Variants in VIPR1 observed in about 807,000 individuals in gnomAD.
VIPR1 encodes vasoactive intestinal peptide receptor 1.
Under a neutral mutation model 58.8 loss-of-function variants are expected in VIPR1, and 59 were observed. The ratio of observed to expected loss-of-function variants is 1.00; its 90% confidence interval spans 0.81 to 1.25. The LOEUF (loss-of-function observed/expected upper bound fraction) is 1.25, where lower values mean the gene tolerates loss of function less well. Ranked by LOEUF, VIPR1 falls within the 50% of genes most tolerant of loss-of-function variation. VIPR1 has a pLI of 0.00. For missense variants in VIPR1, 626 were observed against 602.7 expected (o/e 1.04, Z -0.40); for synonymous variants, 251 against 242.1 (o/e 1.04, Z -0.34).
At chr3:42,514,530 C>T (rs1006414175) in intron 2 of VIPR1, among the ~76,000 whole-genome samples, 1 of 142,018 alleles carries the variant, frequency 7.0e-6, no homozygotes, top group Non-Finnish European at 1.5e-5. Context: ...TCCAGAGGAC[C>T]GATAGTGACA....
chr3:42,529,607 G>A (rs1031898742), intron 6 of VIPR1: 2 of 152,250 alleles, frequency 1.3e-5, no homozygotes, highest in African/African-American at 4.8e-5. Context: ...GGCAGGGGGA[G>A]GCTTCTCTCT....
chr3:42,493,338 A>G (rs1333144699), intron 1 of VIPR1, among the ~76,000 whole-genome samples: 2 of 152,144 alleles, frequency 1.3e-5, no homozygotes, highest in Admixed American at 6.5e-5. Flanking sequence ...GGACCCTAAA[A>G]TAGCCTTGTC....
intron 1 of VIPR1, among the ~76,000 whole-genome samples, chr3:42,493,552 G>A (rs1699705075): frequency 1.3e-5 from 2 of 152,162 alleles, no homozygotes; most frequent in South Asian, 4.1e-4. Flanking sequence ...ATTAGAGCTG[G>A]GCTTCCCCAA....
Position 42,527,461 on chromosome 3 carries a change from C to G in VIPR1, c.468C>G (p.Thr156=). Residue 156 remains threonine (T), a synonymous_variant, in exon 5 of 13, where the codon ACC becomes ACG. Coordinates refer to ENST00000325123, the MANE Select transcript of VIPR1 (RefSeq NM_004624.4). ...TTGGCTACGGCCTGTCCCTCGCCAC[C>G]CTTCTGGTCGCCACAGCTATCCTGA... ...YTIGYGLSLA[T]LLVATAILSL... The G allele has an allele frequency of 1.9e-6, 3 of 1,614,030 alleles. No individual in the cohort carries two copies. The South Asian group carries it at 3.3e-5, about 18-fold the overall frequency.
intron 2 of VIPR1, among the ~76,000 whole-genome samples, chr3:42,518,564 C>A (rs1700747295): frequency 6.6e-6 from 1 of 152,074 alleles, no homozygotes; most frequent in Non-Finnish European, 1.5e-5. Flanking sequence ...CATGGTGAAA[C>A]CCTGTCTCTA....
chr3:42,504,641 G>A (rs1700023070), intron 1 of VIPR1, among the ~76,000 whole-genome samples: 2 of 151,620 alleles, frequency 1.3e-5, no homozygotes, highest in African/African-American at 4.8e-5. Flanking sequence ...CTGGGTGAGG[G>A]CAGGCTGGAG....
chr3:42,506,276 A>G (rs1700117942), intron 1 of VIPR1, among the ~76,000 whole-genome samples: 1 of 152,200 alleles, frequency 6.6e-6, no homozygotes, highest in Non-Finnish European at 1.5e-5. Context: ...CCATGAGACC[A>G]GGGTAGGGGC....
At chr3:42,511,233 G>A (rs559243930) in intron 1 of VIPR1, among the ~76,000 whole-genome samples, 16 of 152,266 alleles carry the variant, frequency 1.1e-4, no homozygotes, top group African/African-American at 3.1e-4. Context: ...GTTTTTATCC[G>A]TGTGTTCCAC....
Position 42,525,882 on chromosome 3 carries a change from C to T in VIPR1, c.293-5C>T, listed in dbSNP as rs555570968. On this transcript the variant is annotated splice_polypyrimidine_tract_variant and splice_region_variant and intron_variant, in intron 3 of 12. Coordinates refer to ENST00000325123, the MANE Select transcript of VIPR1 (RefSeq NM_004624.4). ...CCTTTGTCCTTGCCCCTGCCCTCCA[C>T]CCAGGCCGCAATGTAAGCCGCAGCT... 9 of 1,604,680 alleles carry T rather than the reference C, an allele frequency of 5.6e-6. No individual in the cohort carries two copies. Among genetic ancestry groups the T allele is most frequent in the Non-Finnish European group, 7.7e-6 (9 of 1,176,006 alleles).
upstream of VIPR1, among the ~76,000 whole-genome samples, chr3:42,497,962 C>T (rs1368928920): frequency 6.6e-6 from 1 of 152,168 alleles, no homozygotes; most frequent in African/African-American, 2.4e-5. Context: ...GACTGCTGAC[C>T]CCCTGGACAA....
At chr3:42,499,752 C>T (rs1405080413), upstream of VIPR1, among the ~76,000 whole-genome samples, 5 of 152,214 alleles carry the variant, frequency 3.3e-5, no homozygotes, top group Middle Eastern at 3.4e-3. Flanking sequence ...TCAGGTAGTC[C>T]GTCGGCCCCC....
chr3:42,522,120 T>A (rs1700974778), intron 3 of VIPR1, among the ~76,000 whole-genome samples: 1 of 111,806 alleles, frequency 8.9e-6, no homozygotes, highest in Non-Finnish European at 1.8e-5. Context: ...TTTTTTTTTT[T>A]TTTTTTTTTT....
At chr3:42,507,578 G>A (rs748915720) in intron 1 of VIPR1, among the ~76,000 whole-genome samples, 12 of 152,320 alleles carry the variant, frequency 7.9e-5, no homozygotes, top group Middle Eastern at 3.4e-3. Flanking sequence ...TCACCCACAG[G>A]CACTGTGTTT....
At chr3:42,492,329 T>C (rs1303680503) in intron 1 of VIPR1, 1 of 152,452 alleles carries the variant, frequency 6.6e-6, no homozygotes, top group African/African-American at 2.4e-5. Context: ...TCTCTGCAGC[T>C]AGGTTGCCAG....
At chr3:42,508,123 C>T (rs1273474357) in intron 1 of VIPR1, 1 of 152,252 alleles carries the variant, frequency 6.6e-6, no homozygotes, top group African/African-American at 2.4e-5. Context: ...CTTCAGCCTA[C>T]CTGGGGTTAT....
At position 42,534,997 on chromosome 3, in the gene VIPR1, C is replaced by T. The variant is rs1458077412; in HGVS notation, c.1033C>T (p.Leu345=). The change falls in exon 11 of 13, where the codon CTG becomes TTG. Residue 345 remains leucine, a synonymous_variant. Coordinates refer to ENST00000325123, the MANE Select transcript of VIPR1 (RefSeq NM_004624.4). ...CAGAAGGCTAGCCAGGTCCACACTC[C>T]TGCTGATCCCCCTGTTTGGAGTACA... ...PYSRLARSTL[L]LIPLFGVHYI... 6.2e-7 allele frequency: 1 copy of T among 1,614,230 alleles called. No individual in the cohort carries two copies. The highest frequency in any genetic ancestry group is 8.5e-7 in the Non-Finnish European group (1 of 1,180,022).
At chr3:42,519,076 G>T in intron 2 of VIPR1, 147 bp from the exon 3 acceptor site, 1 of 582,980 alleles carries the variant, frequency 1.7e-6, no homozygotes, top group Middle Eastern at 4.6e-4. Context: ...ACCTCCGCAG[G>T]GCTGTGCCTC....
Position 42,531,579 on chromosome 3 carries a change from G to T in VIPR1, c.851+48G>T, listed in dbSNP as rs567770387. On this transcript the variant is annotated intron_variant, in intron 8 of 12. Coordinates refer to ENST00000325123, the MANE Select transcript of VIPR1 (RefSeq NM_004624.4). ...CCCCCGGCCGCCATCACTTGGGCAGGCCCCCTGGGTGGGATGATAATGCCA... is the reference window on the plus strand; with the variant it reads ...CCCCCGGCCGCCATCACTTGGGCAGTCCCCCTGGGTGGGATGATAATGCCA... 60 of 1,584,726 alleles carry T rather than the reference G, an allele frequency of 3.8e-5. No homozygotes were observed. In the South Asian group the frequency reaches 6.3e-4, roughly 17 times the overall value.
Position 42,536,357 on chromosome 3 carries a change from G to A in VIPR1, c.*76G>A. ...ACCCCGGCAGACGCCGGGGACAGAG[G>A]CCTGCCCGGGCGCGGCCAGCCCCGG... On this transcript the variant is annotated 3_prime_UTR_variant, in exon 13 of 13. Transcript: ENST00000325123. 7.0e-7 allele frequency: 1 copy of A among 1,418,518 alleles called. No homozygotes were observed. The highest frequency in any genetic ancestry group is 9.2e-7 in the Non-Finnish European group (1 of 1,088,392). 87.9% of individuals were successfully genotyped at this position (1,418,518 alleles called of 1,614,324 possible). A position where few individuals can be genotyped will look rare whatever the true frequency, so the allele number is the denominator to read the frequency against.
Sources: allele counts gnomAD v4.1 joint callset (sites outside exome capture counted in the v4.1 genomes callset), GRCh38; gene constraint gnomAD v4.1.1; transcripts MANE v1.5; gene names NCBI Gene and HGNC (gene_info 2026-07-23, HGNC 2026-07-21).